SLC22A23: variants seen among roughly 807,000 people sequenced by gnomAD.
SLC22A23 encodes the protein ion transporter protein.
Under a neutral mutation model 61.0 loss-of-function variants are expected in SLC22A23, and 26 were observed. The ratio of observed to expected loss-of-function variants is 0.43; its 90% CI spans 0.31 to 0.59. The LOEUF (loss-of-function observed/expected upper bound fraction) is 0.59. SLC22A23 is among the 20% of genes least tolerant of loss of function. The pLI, the probability that SLC22A23 is intolerant of heterozygous loss-of-function variation, is 0.11. For synonymous variants in SLC22A23, 430 were observed against 413.9 expected (o/e 1.04, Z -0.47); for missense variants, 796 against 934.7 (o/e 0.85, Z 1.94).
chr6:3,329,983 C>T lies in SLC22A23; in HGVS notation c.914-5981G>A, dbSNP rs1266259220. 6.6e-6 allele frequency among the ~76,000 whole-genome samples: 1 copy of T among 152,204 alleles called. No homozygotes were observed. The highest frequency in any genetic ancestry group is 1.5e-5 in the Non-Finnish European group (1 of 68,040). ...CGGAACGAGAAATCCTTCCAGAGGC[C>T]ACTGCTGAACGGCCCGGCCATCCTC... On this transcript the variant is annotated intron_variant, in intron 3 of 9. Transcript: ENST00000406686. The surrounding 1 kb of genome is among the most constrained non-coding windows in gnomAD (Gnocchi z 4.8).
chr6:3,431,869 T>TG (rs1425382405), intron 1 of SLC22A23, among the ~76,000 whole-genome samples: 2 of 152,310 alleles, frequency 1.3e-5, no homozygotes, highest in East Asian at 3.9e-4. Context: ...TCCATACTTC[T>TG]GTTTTAGAGG....
chr6:3,394,868 C>T (rs1767906169), intron 3 of SLC22A23, among the ~76,000 whole-genome samples: 1 of 152,224 alleles, frequency 6.6e-6, no homozygotes, highest in Non-Finnish European at 1.5e-5. Flanking sequence ...GGGGAAGGGA[C>T]TTCATCCTCA....
At chr6:3,335,678 G>T (rs2127415239) in intron 3 of SLC22A23, among the ~76,000 whole-genome samples, 1 of 152,196 alleles carries the variant, frequency 6.6e-6, no homozygotes, top group Admixed American at 6.5e-5. Flanking sequence ...TTCTTTCCTG[G>T]GGGCTCCATC....
chr6:3,275,084 G>GC (rs1335953480), intron 9 of SLC22A23, among the ~76,000 whole-genome samples: 1 of 152,026 alleles, frequency 6.6e-6, no homozygotes, highest in Admixed American at 6.6e-5. Flanking sequence ...AAACTATAAA[G>GC]CCATACGGCT....
intron 3 of SLC22A23, among the ~76,000 whole-genome samples, chr6:3,374,689 G>A (rs1766447511): frequency 1.3e-5 from 2 of 152,186 alleles, no homozygotes; most frequent in African/African-American, 2.4e-5. Context: ...AGAGAGGGAT[G>A]GCTTAGCTGG....
chr6:3,429,734 G>A (rs953876480), intron 1 of SLC22A23, among the ~76,000 whole-genome samples: 2 of 152,196 alleles, frequency 1.3e-5, no homozygotes, highest in African/African-American at 4.8e-5. Context: ...CAAAAGGGAG[G>A]AAATTCTGAC....
chr6:3,284,107 T>C, intron 8 of SLC22A23, 132 bp from the exon 9 acceptor site: 2 of 887,762 alleles, frequency 2.3e-6, no homozygotes, highest in Admixed American at 2.9e-5. Flanking sequence ...TGCAATTCCC[T>C]CTGGGGACCA....
At chr6:3,354,434 T>C (rs1329197356) in intron 3 of SLC22A23, among the ~76,000 whole-genome samples, 2 of 152,212 alleles carry the variant, frequency 1.3e-5, no homozygotes, top group African/African-American at 4.8e-5. Context: ...TCTTTCCATG[T>C]CCCTGCTGCA....
intron 3 of SLC22A23, among the ~76,000 whole-genome samples, chr6:3,361,222 C>T (rs1024942816): frequency 5.9e-5 from 9 of 151,676 alleles, no homozygotes; most frequent in East Asian, 3.9e-4. Flanking sequence ...GAGAGGGAAA[C>T]GTGCTTCAAT....
At position 3,306,035 on chromosome 6, in the gene SLC22A23, C is replaced by T. The variant is rs528564765; in HGVS notation, c.1083-7817G>A. On this transcript the variant is annotated intron_variant, in intron 4 of 9. Transcript: ENST00000406686. ...TTGGCTCACAGTTCTGCAGGCTATACAGGAAGCATGGCACCAACATCTGCT... is the reference window on the plus strand; with the variant it reads ...TTGGCTCACAGTTCTGCAGGCTATATAGGAAGCATGGCACCAACATCTGCT... 7.8e-4 allele frequency among the ~76,000 whole-genome samples: 119 copies of T among 152,310 alleles called. 1 individual carries two copies. The highest frequency in any genetic ancestry group is 2.2e-3 in the African/African-American group (92 of 41,562).
chr6:3,358,554 G>T (rs978456996), intron 3 of SLC22A23, among the ~76,000 whole-genome samples: 1 of 152,104 alleles, frequency 6.6e-6, no homozygotes, highest in East Asian at 1.9e-4. Context: ...TGGGCTGATG[G>T]TTGCCGGGGG....
chr6:3,283,592 T>G, intron 9 of SLC22A23: 1 of 442,990 alleles, frequency 2.3e-6, no homozygotes, highest in Non-Finnish European at 4.2e-6. Context: ...GACACTGACA[T>G]ATTTCCTGGG....
At chr6:3,389,383 T>C (rs900894842) in intron 3 of SLC22A23, among the ~76,000 whole-genome samples, 2 of 148,826 alleles carry the variant, frequency 1.3e-5, no homozygotes, top group Non-Finnish European at 1.5e-5. Context: ...CACTTAAAAA[T>C]GGTTAAGATA....
At chr6:3,374,313 T>A (rs947976621) in intron 3 of SLC22A23, among the ~76,000 whole-genome samples, 4 of 152,202 alleles carry the variant, frequency 2.6e-5, no homozygotes, top group Non-Finnish European at 4.4e-5. Flanking sequence ...ATGCACATGG[T>A]GAGCGGTCGG....
At chr6:3,452,938 C>T (rs1424775792) in intron 1 of SLC22A23, among the ~76,000 whole-genome samples, 1 of 152,160 alleles carries the variant, frequency 6.6e-6, no homozygotes, top group African/African-American at 2.4e-5. Context: ...ATCCACCACT[C>T]CCAGGAAAAC....
chr6:3,349,866 TC>T (rs1561915653), intron 3 of SLC22A23, among the ~76,000 whole-genome samples: 4 of 152,206 alleles, frequency 2.6e-5, no homozygotes, highest in Admixed American at 1.3e-4. Flanking sequence ...CTCCCATCGC[TC>T]TCTGATCACA....
chr6:3,445,847 CAT>C lies in SLC22A23; in HGVS notation c.654+10057_654+10058del, dbSNP rs552011633. ...GGGTGGCAGGGGAGGAGAGGAAAGACATGTGGGGCTCAGGGCTGAGGGCACCC... is the reference window on the plus strand; with the variant it reads ...GGGTGGCAGGGGAGGAGAGGAAAGACGTGGGGCTCAGGGCTGAGGGCACCC... On this transcript the variant is annotated intron_variant, in intron 1 of 9. Coordinates refer to ENST00000406686, the MANE Select transcript of SLC22A23 (RefSeq NM_015482.2). Among the ~76,000 whole-genome samples, 7 of 152,152 alleles carry C rather than the reference CAT, an allele frequency of 4.6e-5. No homozygotes were observed. In the South Asian group the frequency reaches 1.2e-3, roughly 27 times the overall value.
intron 1 of SLC22A23, among the ~76,000 whole-genome samples, chr6:3,447,061 T>C (rs1031260018): frequency 6.6e-6 from 1 of 152,216 alleles, no homozygotes; most frequent in African/African-American, 2.4e-5. Flanking sequence ...TCTGACTGCA[T>C]CATATCCCTT....
rs537425023 is a variant in SLC22A23 at position 3,329,073 on chromosome 6, T to C, written c.914-5071A>G. Among the ~76,000 whole-genome samples, 5 of 152,322 alleles carry C rather than the reference T, an allele frequency of 3.3e-5. No homozygotes were observed. The highest frequency in any genetic ancestry group is 3.4e-3 in the Middle Eastern group (1 of 294). On this transcript the variant is annotated intron_variant, in intron 3 of 9. Transcript: ENST00000406686. The surrounding 1 kb of genome is among the most constrained non-coding windows in gnomAD (Gnocchi z 4.8). ...CACGCAAAGGTCCGAGCTGTGCTAC[T>C]GAGCAGGGCTTGGCCCCAGCTCCAG...
Sources: allele counts gnomAD v4.1 joint callset (sites outside exome capture counted in the v4.1 genomes callset), GRCh38; gene constraint gnomAD v4.1.1; non-coding constraint Gnocchi (gnomAD v3.1); transcripts MANE v1.5; gene names NCBI Gene and HGNC (gene_info 2026-07-23, HGNC 2026-07-21).